OBSL1: variants seen among roughly 807,000 people sequenced by gnomAD.
OBSL1 encodes the protein obscurin-like protein 1.
Under a neutral mutation model 172.0 loss-of-function variants are expected in OBSL1, and 160 were observed. The observed-to-expected ratio is 0.93, with a 90% CI of 0.82 to 1.06. The LOEUF is 1.06. OBSL1 is among the 50% of genes least tolerant of loss of function. OBSL1 has a pLI of 0.00. For synonymous variants in OBSL1, 1,200 were observed against 1,196.3 expected, an observed-to-expected ratio of 1.00 and a Z score of -0.06; for missense variants, 2,681 against 2,715.4, an observed-to-expected ratio of 0.99 and a Z score of 0.28.
chr2:219,547,970 C>G (rs1247963428), downstream of OBSL1: 1 of 1,588,114 alleles, frequency 6.3e-7, no homozygotes, highest in South Asian at 1.1e-5. Context: ...TGCTCCTGTG[C>G]CCCCACTCTG....
intron 8 of OBSL1, among the ~76,000 whole-genome samples, chr2:219,560,252 G>T (rs1443904796): frequency 1.3e-5 from 2 of 152,194 alleles, no homozygotes; most frequent in Admixed American, 6.5e-5. Context: ...GGCAGGAGGA[G>T]GAAATACCCT....
chr2:219,563,737 C>T, intron 6 of OBSL1, 110 bp from the exon 7 acceptor site: 1 of 1,240,604 alleles, frequency 8.1e-7, no homozygotes, highest in Non-Finnish European at 1.1e-6. Flanking sequence ...TGGAGGAGGG[C>T]TAAGGTCCTG....
Position 219,567,381 on chromosome 2 carries a change from C to T in OBSL1, c.1729G>A (p.Val577Met), listed in dbSNP as rs2106096316. 2 of 1,613,092 alleles carry T rather than the reference C, an allele frequency of 1.2e-6. No homozygotes were observed. The highest frequency in any genetic ancestry group is 1.7e-6 in the Non-Finnish European group (2 of 1,179,484). ...FSIEKAGAVEVPGDCVPSEGD... is the reference protein window; with the variant it reads ...FSIEKAGAVEMPGDCVPSEGD... Reference sequence around the variant, plus strand: ...TCGGAGGGCACACAGTCGCCCGGCACCTCCACGGCTCCGGCTTTCTCGATG... The same window carrying T: ...TCGGAGGGCACACAGTCGCCCGGCATCTCCACGGCTCCGGCTTTCTCGATG... The change falls in exon 4 of 21, where the codon GTG becomes ATG. Residue 577 changes from valine (V) to methionine (M), a missense_variant. Around this residue, in one of 5 missense-constraint regions of OBSL1, gnomAD observed 706 missense variants for 695.8 expected, o/e 1.01. Coordinates refer to ENST00000404537, the MANE Select transcript of OBSL1 (RefSeq NM_015311.3).
Position 219,553,028 on chromosome 2 carries a change from G to A in OBSL1, c.4990-4C>T. 6.7e-7 allele frequency: 1 copy of A among 1,501,922 alleles called. No homozygotes were observed. 93.0% of individuals were successfully genotyped at this position (1,501,922 alleles called of 1,614,324 possible). On this transcript the variant is annotated splice_region_variant and splice_polypyrimidine_tract_variant and intron_variant, in intron 16 of 20. Coordinates refer to ENST00000404537, the MANE Select transcript of OBSL1 (RefSeq NM_015311.3). ...TAGGCGTAAGCGCGTTCCCGTCCTA[G>A]GGGCGGGAGTTGCAGAGGGTCGGGG...
intron 16 of OBSL1, among the ~76,000 whole-genome samples, 198 bp downstream of exon 16, chr2:219,553,376 G>A (rs1695773118): frequency 6.6e-6 from 1 of 152,178 alleles, no homozygotes; most frequent in Non-Finnish European, 1.5e-5. Flanking sequence ...TTTTCCCACT[G>A]AGCATCAGTT....
intron 5 of OBSL1, among the ~76,000 whole-genome samples, chr2:219,566,119 G>GT (rs1307925132): frequency 1.3e-5 from 2 of 152,144 alleles, no homozygotes; most frequent in East Asian, 3.9e-4. Context: ...GTCACTTAAC[G>GT]TATCTGCCTG....
At position 219,570,999 on chromosome 2, in the gene OBSL1, G is replaced by C. The variant is rs1208983137; in HGVS notation, c.234C>G (p.Asp78Glu). Residue 78 changes from aspartate (D) to glutamate (E), a missense_variant, in exon 1 of 21, where the codon GAC (aspartate) becomes GAG (glutamate). By Grantham distance (45) the Asp-to-Glu change is conservative (BLOSUM62 2). Transcript: ENST00000404537. ...GGGCGCGGCACACGTAGACCCCCGC[G>C]TCGGTGGGCAGTGCGGCGGTCAGCA... ...GLLLTAALPT[D>E]AGVYVCRARN... 1 of 1,407,010 alleles carries C rather than the reference G, an allele frequency of 7.1e-7. No individual in the cohort carries two copies. The highest frequency in any genetic ancestry group is 1.5e-5 in the African/African-American group (1 of 66,938). The allele number at this position is 1,407,010 out of a possible 1,614,324, so 87.2% of individuals were successfully genotyped here. A position where few individuals can be genotyped will look rare whatever the true frequency, so the allele number is the denominator to read the frequency against.
downstream of OBSL1, chr2:219,549,488 C>T (rs1203747357): frequency 1.3e-5 from 16 of 1,275,010 alleles, no homozygotes; most frequent in African/African-American, 4.5e-5. Flanking sequence ...GTCCATGCAT[C>T]GGAGCCCATG....
In OBSL1 at chr2:219,550,783, C is replaced by G; in HGVS notation, c.*52G>C. 2 of 1,600,314 alleles carry G rather than the reference C, an allele frequency of 1.2e-6. No homozygotes were observed. Among genetic ancestry groups the G allele is most frequent in the Non-Finnish European group, 1.7e-6 (2 of 1,173,466 alleles). On this transcript the variant is annotated 3_prime_UTR_variant, in exon 21 of 21. Coordinates refer to ENST00000404537, the MANE Select transcript of OBSL1 (RefSeq NM_015311.3). ...TCTCTACCCCTGCCCAGGGTAAGGG[C>G]AAACGCCTTCCAAGCTGTCCAAGGG...
At chr2:219,547,510 C>A, downstream of OBSL1, 1 of 1,426,776 alleles carries the variant, frequency 7.0e-7, no homozygotes, top group Non-Finnish European at 9.2e-7. Flanking sequence ...CTCCAGGTTA[C>A]CGCTGCTTCA....
In OBSL1 at chr2:219,571,539, T is replaced by G; in HGVS notation, c.-307A>C. The G allele has an allele frequency of 4.5e-6, 1 of 221,566 alleles. No homozygotes were observed. Among genetic ancestry groups the G allele is most frequent in the Non-Finnish European group, 8.8e-6 (1 of 113,328 alleles). The allele number at this position is 221,566 out of a possible 1,614,324, so 13.7% of individuals were successfully genotyped here. On this transcript the variant is annotated 5_prime_UTR_variant, in exon 1 of 21. Transcript: ENST00000404537. ...TGCCCGCTGCCTGGCTTCCTGCTCT[T>G]AGGAGCCTCTCTTCCCAGCCCCCTC...
Position 219,565,449 on chromosome 2 carries a change from C to T in OBSL1, c.2200G>A (p.Val734Met), listed in dbSNP as rs1272728972. 3 of 1,613,400 alleles carry T rather than the reference C, an allele frequency of 1.9e-6. No individual in the cohort carries two copies. Among genetic ancestry groups the T allele is most frequent in the Non-Finnish European group, 2.5e-6 (3 of 1,179,874 alleles). ...CTTGAGAGCTCACAAGTCAGCACCA[C>T]CCGCTCTGAGGTTGTGAAGGTCAAC... ...VSLTFTTSER[V>M]VLTCELSRVD... The change falls in exon 6 of 21, where the codon GTG becomes ATG. Residue 734 changes from valine (V) to methionine (M), a missense_variant. Val to Met is a conservative substitution (Grantham distance 21). Transcript: ENST00000404537.
chr2:219,558,351 A>ACCCAGGGG lies in OBSL1; in HGVS notation c.3334_3335insCCCCTGGG (p.Val1112AlafsTer30). The ACCCAGGGG allele has an allele frequency of 6.2e-7, 1 of 1,612,398 alleles. No individual in the cohort carries two copies. Among genetic ancestry groups the ACCCAGGGG allele is most frequent in the Non-Finnish European group, 8.5e-7 (1 of 1,179,586 alleles). On this transcript the variant is annotated frameshift_variant, in exon 10 of 21. Coordinates refer to ENST00000404537, the MANE Select transcript of OBSL1 (RefSeq NM_015311.3). LOFTEE classifies it high-confidence loss of function. ...TTCCAGCCCGTCCTTGTACCAGCGC[A>ACCCAGGGG]CCTGAGACCCAGCTGGGGCCACCTC... is the stretch of plus-strand genomic sequence containing the variant.
chr2:219,549,799 A>C, downstream of OBSL1: 2 of 1,614,000 alleles, frequency 1.2e-6, no homozygotes, highest in Non-Finnish European at 1.7e-6. Flanking sequence ...GCGGACTATG[A>C]GTATGGGTCC....
intron 7 of OBSL1, 146 bp from the exon 8 acceptor site, chr2:219,562,820 A>T (rs1033069416): frequency 7.4e-6 from 6 of 812,308 alleles, no homozygotes; most frequent in Non-Finnish European, 1.1e-5. Flanking sequence ...GCTGACAGTT[A>T]CTCACAGCTA....
At position 219,557,440 on chromosome 2, in the gene OBSL1, C is replaced by T. The variant is rs769701841; in HGVS notation, c.3969G>A (p.Arg1323=). Residue 1323 remains arginine, a synonymous_variant, in exon 12 of 21, where the codon AGG becomes AGA. Transcript: ENST00000404537. ...GTGCCCCCTGCACCCGCAGCACCTGCCTGGCCCCGGCCTGCTCCAGCTGCA... is the reference window on the plus strand; with the variant it reads ...GTGCCCCCTGCACCCGCAGCACCTGTCTGGCCCCGGCCTGCTCCAGCTGCA... ...GRVQLEQAGA[R]QVLRVQGARS... 1.6e-4 allele frequency: 247 copies of T among 1,548,356 alleles called. 9 individuals are homozygous for T. In the South Asian group the frequency reaches 2.9e-3, roughly 18 times the overall value.
Position 219,566,983 on chromosome 2 carries a change from C to T in OBSL1, c.1981G>A (p.Gly661Ser). The T allele has an allele frequency of 6.2e-7, 1 of 1,613,782 alleles. No individual in the cohort carries two copies. The highest frequency in any genetic ancestry group is 8.5e-7 in the Non-Finnish European group (1 of 1,179,890). The change falls in exon 5 of 21, where the codon GGC (glycine) becomes AGC (serine). Residue 661 changes from glycine to serine, a missense_variant. By Grantham distance (56) the Gly-to-Ser change is moderately conservative (BLOSUM62 0). This residue lies in a region of OBSL1 where 1,765 missense variants were observed against 1,748.3 expected (regional missense o/e 1.01). Transcript: ENST00000404537. ...GEELKSNEPE[G>S]QVEPGALRYR... ...CGCAGGGCCCCAGGTTCCACCTGGC[C>T]CTCCGGCTCGTTACTCTTGAGCTCT...
downstream of OBSL1, chr2:219,547,957 G>A (rs1265325092): frequency 6.3e-7 from 1 of 1,589,998 alleles, no homozygotes; most frequent in South Asian, 1.1e-5. Flanking sequence ...AGCGACTCCG[G>A]GCTGCTCCTG....
rs1695748918 is a variant in OBSL1 at position 219,553,034 on chromosome 2, G to A, written c.4990-10C>T. 6 of 1,496,584 alleles carry A rather than the reference G, an allele frequency of 4.0e-6. No individual in the cohort carries two copies. In the East Asian group the frequency reaches 1.0e-4, roughly 26 times the overall value. 92.7% of individuals were successfully genotyped at this position (1,496,584 alleles called of 1,614,324 possible). A position where few individuals can be genotyped will look rare whatever the true frequency, so the allele number is the denominator to read the frequency against. ...TAAGCGCGTTCCCGTCCTAGGGGCG[G>A]GAGTTGCAGAGGGTCGGGGCGAGCC... On this transcript the variant is annotated splice_polypyrimidine_tract_variant and intron_variant, in intron 16 of 20. Coordinates refer to ENST00000404537, the MANE Select transcript of OBSL1 (RefSeq NM_015311.3).
Sources: gnomAD v4.1 joint callset for allele counts (sites outside exome capture counted in the v4.1 genomes callset) on GRCh38, gnomAD v4.1.1 for gene constraint, gnomAD v4.1.1 regional missense constraint, MANE v1.5 for transcripts, NCBI Gene and HGNC (gene_info 2026-07-23, HGNC 2026-07-21) for gene names.